The following CPXM2 variants were observed in gnomAD, a reference collection of about 807,000 sequenced individuals.
CPXM2 encodes carboxypeptidase X, M14 family member 2.
Under a neutral mutation model 86.1 loss-of-function variants are expected in CPXM2, and 66 were observed. The ratio of observed to expected loss-of-function variants is 0.77; its 90% CI spans 0.63 to 0.94. CPXM2 has a LOEUF of 0.94. Among genes scored for constraint, CPXM2 ranks in the 40% least tolerant of loss-of-function variants. The pLI, the probability that CPXM2 is intolerant of heterozygous loss-of-function variation, is 0.00. For missense variants in CPXM2, 948 were observed against 1,026.3 expected (o/e 0.92, Z 1.04); for synonymous variants, 388 against 400.2 (o/e 0.97, Z 0.36).
chr10:123,877,359 A>G (rs1313982019), intron 2 of CPXM2, among the ~76,000 whole-genome samples: 1 of 152,260 alleles, frequency 6.6e-6, no homozygotes, highest in Non-Finnish European at 1.5e-5. Context: ...CTACTGCTGT[A>G]TAACAAGCAA....
At chr10:123,921,758 T>G (rs1914533) in intron 2 of CPXM2, among the ~76,000 whole-genome samples, 36,539 of 152,060 alleles carry the variant, frequency 0.24, 4,941 homozygotes, top group East Asian at 0.57. Context: ...AGAAGGGAAT[T>G]ATAGACATTT....
rs181408118 is a variant in CPXM2 at position 123,865,362 on chromosome 10, C to T, written c.404-2639G>A. Reference sequence around the variant, plus strand: ...AAAGGCAAAGACAGAGTTACTGATCCGCCTGGGTTAGTGAGGGCCCTTTGG... The same window carrying T: ...AAAGGCAAAGACAGAGTTACTGATCTGCCTGGGTTAGTGAGGGCCCTTTGG... On this transcript the variant is annotated intron_variant, in intron 2 of 13. Coordinates refer to ENST00000241305, the MANE Select transcript of CPXM2 (RefSeq NM_198148.3). The surrounding 1 kb of genome is among the most constrained non-coding windows in gnomAD (Gnocchi z 4.7). Among the ~76,000 whole-genome samples, 134 of 152,280 alleles carry T rather than the reference C, an allele frequency of 8.8e-4. No individual in the cohort carries two copies. Among genetic ancestry groups the T allele is most frequent in the Non-Finnish European group, 1.5e-3 (99 of 68,026 alleles).
intron 4 of CPXM2, among the ~76,000 whole-genome samples, chr10:123,825,509 T>C (rs939727126): frequency 6.6e-6 from 1 of 152,196 alleles, no homozygotes; most frequent in East Asian, 1.9e-4. Context: ...TTACCGCCTT[T>C]GTGCAAGAGA....
At position 123,762,126 on chromosome 10, in the gene CPXM2, A is replaced by AT. The variant is rs760574368; in HGVS notation, c.1522dup (p.Ile508AsnfsTer107). On this transcript the variant is annotated frameshift_variant, in exon 11 of 14. Transcript: ENST00000241305. LOFTEE classifies it high-confidence loss of function. Reference sequence around the variant, plus strand: ...CAGGTTGCCGCCCAGCACAAAAGGGATTTTTTCCATCCAGGCTATGACTGC... The same window carrying AT: ...CAGGTTGCCGCCCAGCACAAAAGGGATTTTTTTCCATCCAGGCTATGACTGC... 6.2e-6 allele frequency: 10 copies of AT among 1,614,024 alleles called. No homozygotes were observed. The South Asian group carries it at 7.7e-5, about 12-fold the overall frequency.
chr10:123,858,446 C>G (rs1282034306), intron 3 of CPXM2, among the ~76,000 whole-genome samples: 3 of 152,222 alleles, frequency 2.0e-5, no homozygotes, highest in Non-Finnish European at 4.4e-5. Flanking sequence ...GGTTTGATCA[C>G]TAGTCCAGCT....
intron 2 of CPXM2, among the ~76,000 whole-genome samples, chr10:123,900,334 G>A (rs929261201): frequency 1.2e-4 from 19 of 152,130 alleles, no homozygotes; most frequent in Admixed American, 7.2e-4. Flanking sequence ...GAGCCACCAC[G>A]CCTGGCCAAA....
At position 123,768,608 on chromosome 10, in the gene CPXM2, C is replaced by G. The variant is rs1453578509; in HGVS notation, c.1217G>C (p.Arg406Pro). The change falls in exon 9 of 14, where the codon CGC (arginine) becomes CCC (proline). Residue 406 changes from arginine to proline, a missense_variant. Arg to Pro is a moderately radical substitution (Grantham distance 103). Coordinates refer to ENST00000241305, the MANE Select transcript of CPXM2 (RefSeq NM_198148.3). ...CGTCTCCTCCACCAGGTGGACGATG[C>G]GCGCATTCCGGGCCAAGTACTCCTG... Reference protein sequence around the residue: ...VCQEYLARNARIVHLVEETRI... With the variant: ...VCQEYLARNAPIVHLVEETRI... 1.2e-6 allele frequency: 2 copies of G among 1,613,876 alleles called. No homozygotes were observed. Among genetic ancestry groups the G allele is most frequent in the East Asian group, 4.5e-5 (2 of 44,854 alleles).
intron 7 of CPXM2, among the ~76,000 whole-genome samples, chr10:123,772,982 C>T (rs12413325): frequency 0.41 from 62,478 of 150,724 alleles, 13,504 homozygotes; most frequent in Non-Finnish European, 0.48. Flanking sequence ...GTGGTCACCA[C>T]CTCCCTTGTT....
chr10:123,836,944 C>T (rs1848294452), intron 4 of CPXM2, among the ~76,000 whole-genome samples: 1 of 151,614 alleles, frequency 6.6e-6, no homozygotes, highest in Admixed American at 6.6e-5. Flanking sequence ...AGCCCCTGTC[C>T]CAGAGTCAGC....
At chr10:123,878,506 CGTGTGT>C (rs200009107) in intron 2 of CPXM2, among the ~76,000 whole-genome samples, 4,935 of 134,852 alleles carry the variant, frequency 0.037, 210 homozygotes, top group East Asian at 0.13. Flanking sequence ...CAAATTCAGA[CGTGTGT>C]GTGTGTGTGT....
chr10:123,883,207 G>T (rs1277216781), intron 1 of CPXM2, among the ~76,000 whole-genome samples: 1 of 152,238 alleles, frequency 6.6e-6, no homozygotes, highest in Admixed American at 6.5e-5. Flanking sequence ...CTGGCAGGGG[G>T]ATGGAGGGTA....
chr10:123,799,322 C>T, intron 4 of CPXM2, 123 bp from the exon 5 acceptor site: 1 of 1,115,460 alleles, frequency 9.0e-7, no homozygotes, highest in Non-Finnish European at 1.3e-6. Flanking sequence ...ACCCTGGCTC[C>T]AGGACATTTA....
intron 2 of CPXM2, among the ~76,000 whole-genome samples, chr10:123,909,066 C>T (rs1419803887): frequency 2.0e-5 from 3 of 152,196 alleles, no homozygotes; most frequent in Non-Finnish European, 2.9e-5. Context: ...AGAGGCAATT[C>T]TGCCCTTTTG....
intron 2 of CPXM2, among the ~76,000 whole-genome samples, chr10:123,928,476 C>T (rs1484475767): frequency 6.6e-6 from 1 of 152,218 alleles, no homozygotes; most frequent in East Asian, 1.9e-4. Flanking sequence ...TGACACTGCT[C>T]TATCAAATTG....
chr10:123,820,183 T>G (rs138589324), intron 4 of CPXM2, among the ~76,000 whole-genome samples: 1 of 152,306 alleles, frequency 6.6e-6, no homozygotes, highest in East Asian at 1.9e-4. Context: ...AATAAAGCCC[T>G]TTTTTTATAT....
intron 3 of CPXM2, among the ~76,000 whole-genome samples, chr10:123,856,074 T>C (rs1848715849): frequency 6.6e-6 from 1 of 152,206 alleles, no homozygotes. Context: ...ACGTTTTTCC[T>C]TGTGACCTCA....
chr10:123,939,757 G>T (rs1945757066), intron 1 of CPXM2, among the ~76,000 whole-genome samples: 1 of 152,172 alleles, frequency 6.6e-6, no homozygotes, highest in Non-Finnish European at 1.5e-5. Context: ...TGGGAGCACA[G>T]AGGCCCAAGG....
chr10:123,895,403 C>T (rs28376229), upstream of CPXM2, among the ~76,000 whole-genome samples: 21,485 of 152,126 alleles, frequency 0.14, 1,716 homozygotes, highest in Admixed American at 0.21. Flanking sequence ...GGATTACAGG[C>T]GTGAGCCACC....
At chr10:123,941,715 AC>A (rs1188732641), upstream of CPXM2, among the ~76,000 whole-genome samples, 7 of 152,294 alleles carry the variant, frequency 4.6e-5, no homozygotes, top group Admixed American at 1.3e-4. Context: ...TGCCCTGTGG[AC>A]CCCAGAGGAC....
Sources: allele counts gnomAD v4.1 joint callset (sites outside exome capture counted in the v4.1 genomes callset), GRCh38; gene constraint gnomAD v4.1.1; non-coding constraint Gnocchi (gnomAD v3.1); transcripts MANE v1.5; gene names NCBI Gene and HGNC (gene_info 2026-07-23, HGNC 2026-07-21).